C19orf38: variants seen among roughly 807,000 people sequenced by gnomAD.
The protein encoded by C19orf38 is chromosome 19 open reading frame 38, also known as protein HIDE1.
Under a neutral mutation model 26.6 loss-of-function variants are expected in C19orf38, and 14 were observed. The observed-to-expected ratio is 0.53, with a 90% CI of 0.35 to 0.82. C19orf38 has a LOEUF of 0.82. Among genes scored for constraint, C19orf38 ranks in the 40% least tolerant of loss-of-function variants. C19orf38 has a pLI of 0.01. For missense variants in C19orf38, 261 were observed against 299.5 expected (o/e 0.87, Z 0.95); for synonymous variants, 132 against 128.5 (o/e 1.03, Z -0.18).
chr19:10,845,450 C>G (rs1353694669), upstream of C19orf38, among the ~76,000 whole-genome samples: 3 of 152,156 alleles, frequency 2.0e-5, no homozygotes, highest in Non-Finnish European at 4.4e-5. Context: ...CACATATTCT[C>G]TGGATCATAG....
At chr19:10,848,650 C>T in intron 1 of C19orf38, 111 bp downstream of exon 1, 2 of 1,036,758 alleles carry the variant, frequency 1.9e-6, no homozygotes, top group Non-Finnish European at 2.9e-6. Flanking sequence ...CTCAGGGCAT[C>T]GAGGAGGCTG....
At chr19:10,855,025 A>ATAT (rs1319721489) in intron 2 of C19orf38, among the ~76,000 whole-genome samples, 2 of 129,924 alleles carry the variant, frequency 1.5e-5, no homozygotes, top group African/African-American at 5.8e-5. Context: ...CTTCAGATAT[A>ATAT]TATTCTTTTT....
In C19orf38 at chr19:10,850,307, C is replaced by G; in HGVS notation, c.80C>G (p.Pro27Arg). The change falls in exon 2 of 7, where the codon CCA (proline) becomes CGA (arginine). Residue 27 changes from proline to arginine, a missense_variant. Pro to Arg is a moderately radical substitution (Grantham distance 103). Coordinates refer to ENST00000397820, the MANE Select transcript of C19orf38 (RefSeq NM_001136482.3). The part of the protein sequence containing the change: ...APSIRLVPPY[P>R]SSQEDPIHIA... ...TCCATCCGGCTGGTGCCCCCGTACC[C>G]AAGCAGCCAAGAGGACCCCATCCAC... 6.4e-7 allele frequency: 1 copy of G among 1,551,168 alleles called. No individual in the cohort carries two copies. The highest frequency in any genetic ancestry group is 8.7e-7 in the Non-Finnish European group (1 of 1,146,962).
At chr19:10,853,976 C>T (rs1008158665) in intron 2 of C19orf38, among the ~76,000 whole-genome samples, 2 of 150,936 alleles carry the variant, frequency 1.3e-5, no homozygotes, top group South Asian at 2.1e-4. Flanking sequence ...TCACTTAAGC[C>T]GGGGAGGTAG....
intron 4 of C19orf38, among the ~76,000 whole-genome samples, chr19:10,858,847 T>C (rs1228253741): frequency 6.6e-6 from 1 of 151,946 alleles, no homozygotes; most frequent in East Asian, 1.9e-4. Flanking sequence ...TGGGGAGACA[T>C]CCTGCTGCCT....
rs1215628613 is a variant in C19orf38 at position 10,857,339 on chromosome 19, CAT to C, written c.434-950_434-949del. Among the ~76,000 whole-genome samples the C allele has an allele frequency of 5.4e-3, 291 of 53,982 alleles. 2 individuals carry two copies. The highest frequency in any genetic ancestry group is 9.9e-3 in the South Asian group (14 of 1,414). The allele number at this position is 53,982 out of a possible 152,430, so 35.4% of individuals were successfully genotyped here. A position where few individuals can be genotyped will look rare whatever the true frequency, so the allele number is the denominator to read the frequency against. ...ATATACATACACACACACACACATACATATATATATATATATATATATATATA... is the reference window on the plus strand; with the variant it reads ...ATATACATACACACACACACACATACATATATATATATATATATATATATA... On this transcript the variant is annotated intron_variant, in intron 3 of 6. Transcript: ENST00000397820.
At chr19:10,850,726 A>G (rs1339820542) in intron 2 of C19orf38, among the ~76,000 whole-genome samples, 159 bp downstream of exon 2, 1 of 152,112 alleles carries the variant, frequency 6.6e-6, no homozygotes, top group African/African-American at 2.4e-5. Context: ...AGCCAGCCCA[A>G]AAGGGGATTT....
At chr19:10,845,876 C>CAAA (rs967662038), upstream of C19orf38, among the ~76,000 whole-genome samples, 3 of 72,528 alleles carry the variant, frequency 4.1e-5, no homozygotes, top group African/African-American at 5.4e-5. Context: ...AAGACTCCGT[C>CAAA]AAAAAAAAAA....
intron 6 of C19orf38, among the ~76,000 whole-genome samples, chr19:10,866,736 G>A (rs2073756098): frequency 6.6e-6 from 1 of 151,862 alleles, no homozygotes; most frequent in African/African-American, 2.4e-5. Context: ...CACTTCTGGG[G>A]TTGAAGCGAT....
chr19:10,851,696 T>C (rs9797720), intron 2 of C19orf38, among the ~76,000 whole-genome samples: 55,492 of 151,322 alleles, frequency 0.37, 10,251 homozygotes, highest in East Asian at 0.57. Context: ...AGGCTGGGCG[T>C]GGTGGCTCAC....
chr19:10,843,670 A>G (rs2073494723), upstream of C19orf38, among the ~76,000 whole-genome samples: 3 of 152,222 alleles, frequency 2.0e-5, no homozygotes, highest in Admixed American at 1.3e-4. Flanking sequence ...GTATACAGCC[A>G]CAGAAGTGGC....
rs867304439 is a variant in C19orf38, at chr19:10,857,317, T to C, written c.433+960T>C. Among the ~76,000 whole-genome samples, 95 of 128,206 alleles carry C rather than the reference T, an allele frequency of 7.4e-4. 1 individual carries two copies. The highest frequency in any genetic ancestry group is 2.1e-3 in the African/African-American group (69 of 32,282). The allele number at this position is 128,206 out of a possible 152,430, so 84.1% of individuals were successfully genotyped here. Reference sequence around the variant, plus strand: ...GTATATATATATGTGTGTATATATATACATACACACACACACACATACATA... The same window carrying C: ...GTATATATATATGTGTGTATATATACACATACACACACACACACATACATA... On this transcript the variant is annotated intron_variant, in intron 3 of 6. Coordinates refer to ENST00000397820, the MANE Select transcript of C19orf38 (RefSeq NM_001136482.3).
intron 6 of C19orf38, 117 bp downstream of exon 6, chr19:10,863,324 G>C: frequency 8.2e-7 from 1 of 1,221,954 alleles, no homozygotes; most frequent in Non-Finnish European, 1.2e-6. Flanking sequence ...GCTGCGGGGG[G>C]GCTAGGAAAA....
At chr19:10,837,758 C>G (rs1046332620) in intron 1 of C19orf38, among the ~76,000 whole-genome samples, 1 of 152,012 alleles carries the variant, frequency 6.6e-6, no homozygotes, top group Non-Finnish European at 1.5e-5. Flanking sequence ...CCATCCACCT[C>G]GGCCTCCCAA....
chr19:10,848,614 C>T lies in C19orf38; in HGVS notation c.31+75C>T, dbSNP rs536244832. On this transcript the variant is annotated intron_variant, in intron 1 of 6. Transcript: ENST00000397820. ...TCTGTCCACCTTGCCGCTCCAGGGGCAGAAACCAGTGCAGGGGCTGCCGTT... is the reference window on the plus strand; with the variant it reads ...TCTGTCCACCTTGCCGCTCCAGGGGTAGAAACCAGTGCAGGGGCTGCCGTT... 1.8e-4 allele frequency: 249 copies of T among 1,396,802 alleles called. No homozygotes were observed. The East Asian group carries it at 4.8e-3, about 27-fold the overall frequency. 86.5% of individuals were successfully genotyped at this position (1,396,802 alleles called of 1,614,324 possible).
chr19:10,862,822 CCTT>C (rs770621976), intron 5 of C19orf38, among the ~76,000 whole-genome samples: 1 of 151,810 alleles, frequency 6.6e-6, no homozygotes, highest in Non-Finnish European at 1.5e-5. Flanking sequence ...GAGTGAGACT[CCTT>C]CTCAAAAACA....
At chr19:10,855,569 C>T (rs2073616209) in intron 2 of C19orf38, among the ~76,000 whole-genome samples, 1 of 152,182 alleles carries the variant, frequency 6.6e-6, no homozygotes, top group African/African-American at 2.4e-5. Context: ...TGCTCTGTCA[C>T]CCAGGCTGGA....
At position 10,858,862 on chromosome 19, in the gene C19orf38, A is replaced by T. The variant is rs1443815673; in HGVS notation, c.461+519A>T. On this transcript the variant is annotated intron_variant, in intron 4 of 6. Coordinates refer to ENST00000397820, the MANE Select transcript of C19orf38 (RefSeq NM_001136482.3). ...TGGGGAGACATCCTGCTGCCTGGAGATGAAAACCTGCTCTGGGGATTGAAT... is the reference window on the plus strand; with the variant it reads ...TGGGGAGACATCCTGCTGCCTGGAGTTGAAAACCTGCTCTGGGGATTGAAT... Among the ~76,000 whole-genome samples the T allele has an allele frequency of 4.6e-5, 7 of 151,160 alleles. No individual in the cohort carries two copies. In the East Asian group the frequency reaches 1.4e-3, roughly 29 times the overall value.
At chr19:10,856,860 G>A (rs2073631204) in intron 3 of C19orf38, among the ~76,000 whole-genome samples, 1 of 151,870 alleles carries the variant, frequency 6.6e-6, no homozygotes, top group African/African-American at 2.4e-5. Context: ...GCAATGGCAG[G>A]ATCATAGCTC....
Sources: allele counts gnomAD v4.1 joint callset (sites outside exome capture counted in the v4.1 genomes callset), GRCh38; gene constraint gnomAD v4.1.1; transcripts MANE v1.5; gene names NCBI Gene and HGNC (gene_info 2026-07-23, HGNC 2026-07-21).